Variants in LARGE1 observed in about 807,000 individuals in gnomAD.
LARGE1 encodes LARGE xylosyl- and glucuronyltransferase 1.
A neutral mutation model predicts 87.6 loss-of-function variants in LARGE1; 43 were observed. The ratio of observed to expected loss-of-function variants is 0.49; its 90% CI spans 0.38 to 0.63. LARGE1 has a LOEUF of 0.63. Ranked by LOEUF, LARGE1 falls within the 30% of genes least tolerant of loss-of-function variation. The pLI is 0.00. For missense variants in LARGE1, 802 were observed against 1,000.2 expected (o/e 0.80, Z 2.67); for synonymous variants, 434 against 394.6 (o/e 1.10, Z -1.18).
rs536137802 is a variant in LARGE1 at position 33,502,581 on chromosome 22, T to G, written c.787+62267A>C. Among the ~76,000 whole-genome samples, 11 of 152,226 alleles carry G rather than the reference T, an allele frequency of 7.2e-5. No individual in the cohort carries two copies. In the South Asian group the frequency reaches 2.3e-3, roughly 32 times the overall value. ...TCCTGCATATCCTGCCACGTGCTTT[T>G]TTTTTGAGACAGAGTCTGGCTCTGC... On this transcript the variant is annotated intron_variant, in intron 6 of 14. Coordinates refer to ENST00000397394, the MANE Select transcript of LARGE1 (RefSeq NM_133642.5).
chr22:33,462,659 T>C (rs906308710), intron 6 of LARGE1, among the ~76,000 whole-genome samples: 1 of 152,148 alleles, frequency 6.6e-6, no homozygotes, highest in African/African-American at 2.4e-5. Context: ...CATGTGCCCA[T>C]AATCCCAGCT....
chr22:33,671,634 G>C (rs1284021611), intron 2 of LARGE1, among the ~76,000 whole-genome samples: 1 of 152,158 alleles, frequency 6.6e-6, no homozygotes, highest in Admixed American at 6.5e-5. Context: ...GAGCTATATG[G>C]TGAAATCTGA....
intron 9 of LARGE1, among the ~76,000 whole-genome samples, chr22:33,369,497 A>G (rs995597196): frequency 1.3e-5 from 2 of 152,146 alleles, no homozygotes; most frequent in African/African-American, 2.4e-5. Flanking sequence ...GATTATATAG[A>G]TAACAGAGCC....
intron 4 of LARGE1, among the ~76,000 whole-genome samples, chr22:33,620,523 C>A (rs995996670): frequency 1.3e-5 from 2 of 152,122 alleles, no homozygotes; most frequent in Admixed American, 6.5e-5. Context: ...AACAAACAAA[C>A]CTTTGTCATT....
chr22:33,830,546 A>T (rs2062935806), intron 1 of LARGE1, among the ~76,000 whole-genome samples: 1 of 152,190 alleles, frequency 6.6e-6, no homozygotes, highest in African/African-American at 2.4e-5. Flanking sequence ...TCCCTGCCTC[A>T]GTTTCCTCAA....
At chr22:33,748,951 C>T (rs1313307994) in intron 2 of LARGE1, among the ~76,000 whole-genome samples, 1 of 152,208 alleles carries the variant, frequency 6.6e-6, no homozygotes, top group Non-Finnish European at 1.5e-5. Context: ...AAACAAGGGT[C>T]TCTCTGGACC....
chr22:33,850,196 C>A (rs945422515), intron 1 of LARGE1, among the ~76,000 whole-genome samples: 2 of 152,186 alleles, frequency 1.3e-5, no homozygotes, highest in Non-Finnish European at 2.9e-5. Flanking sequence ...GATCTCGGGC[C>A]ACACCCAGGC....
intron 2 of LARGE1, among the ~76,000 whole-genome samples, chr22:33,664,016 C>A (rs2081200987): frequency 6.6e-6 from 1 of 152,196 alleles, no homozygotes; most frequent in South Asian, 2.1e-4. Flanking sequence ...TTTCCTACTA[C>A]CTTCCACAAC....
At chr22:33,079,521 C>T in the LARGE1 span, among the ~76,000 whole-genome samples, 1 of 152,076 alleles carries the variant, frequency 6.6e-6, no homozygotes, top group Non-Finnish European at 1.5e-5. Context: ...GCCACCACAC[C>T]TGGCCATCTA....
At chr22:33,583,718 T>A (rs1240492136) in intron 5 of LARGE1, among the ~76,000 whole-genome samples, 1 of 151,950 alleles carries the variant, frequency 6.6e-6, no homozygotes, top group African/African-American at 2.4e-5. Context: ...GACAGTTGGG[T>A]CCCCCCCATC....
intron 4 of LARGE1, among the ~76,000 whole-genome samples, chr22:33,619,423 C>T (rs1351856813): frequency 6.6e-6 from 1 of 151,702 alleles, no homozygotes; most frequent in East Asian, 1.9e-4. Flanking sequence ...GGTGTGGTGG[C>T]AGGCACCTGT....
intron 7 of LARGE1, among the ~76,000 whole-genome samples, chr22:33,411,848 C>T (rs1377303561): frequency 1.3e-5 from 2 of 152,182 alleles, no homozygotes; most frequent in Non-Finnish European, 2.9e-5. Context: ...ATGTAGAAGA[C>T]GCCCAATATT....
intron 2 of LARGE1, among the ~76,000 whole-genome samples, chr22:33,716,347 CT>C (rs2149422275): frequency 1.3e-5 from 2 of 152,280 alleles, no homozygotes; most frequent in East Asian, 3.9e-4. Flanking sequence ...TATGGCAACT[CT>C]ACTTCATCTG....
chr22:33,210,772 C>G (rs1450108191), intron 11 of LARGE1, among the ~76,000 whole-genome samples: 2 of 152,254 alleles, frequency 1.3e-5, no homozygotes, highest in African/African-American at 4.8e-5. Context: ...CCTCTCTTCC[C>G]TCTCTGGCTC....
downstream of LARGE1, chr22:33,162,172 T>C (rs1922050592): frequency 6.6e-6 from 1 of 152,138 alleles, no homozygotes; most frequent in Non-Finnish European, 1.5e-5. Context: ...ATAATACCAA[T>C]TTACTGTATT....
At chr22:33,888,301 C>T (rs185887535) in intron 1 of LARGE1, among the ~76,000 whole-genome samples, 30 of 152,204 alleles carry the variant, frequency 2.0e-4, no homozygotes, top group African/African-American at 6.7e-4. Flanking sequence ...ACAGAACATC[C>T]ATGAGCCCAT....
At chr22:33,423,679 C>CAAAAAA (rs57917109) in intron 7 of LARGE1, among the ~76,000 whole-genome samples, 2 of 119,290 alleles carry the variant, frequency 1.7e-5, no homozygotes, top group African/African-American at 3.1e-5. Flanking sequence ...GATTCTGTCT[C>CAAAAAA]AAAAAAAAAA....
chr22:33,815,391 C>A (rs1388529126), intron 1 of LARGE1, among the ~76,000 whole-genome samples: 1 of 152,206 alleles, frequency 6.6e-6, no homozygotes, highest in African/African-American at 2.4e-5. Context: ...AGCCTTCATG[C>A]AAACCTCATT....
At chr22:33,298,426 G>A (rs1933658366) in intron 12 of LARGE1, among the ~76,000 whole-genome samples, 1 of 152,218 alleles carries the variant, frequency 6.6e-6, no homozygotes, top group African/African-American at 2.4e-5. Context: ...AGTTCCTTAA[G>A]AACTGGGGAA....
Sources: gnomAD v4.1 joint callset for allele counts (sites outside exome capture counted in the v4.1 genomes callset) on GRCh38, gnomAD v4.1.1 for gene constraint, MANE v1.5 for transcripts, NCBI Gene and HGNC (gene_info 2026-07-23, HGNC 2026-07-21) for gene names.